Variants in PEBP4 observed in about 807,000 individuals in gnomAD.
PEBP4 encodes phosphatidylethanolamine-binding protein 4.
A neutral mutation model predicts 23.9 loss-of-function variants in PEBP4; 22 were observed. The ratio of observed to expected loss-of-function variants is 0.92; its 90% confidence interval spans 0.66 to 1.31. PEBP4 has a LOEUF of 1.31. Among genes scored for constraint, PEBP4 ranks in the 40% most tolerant of loss-of-function variants. The probability of loss-of-function intolerance (pLI) is 0.00; values close to 1 mark genes in which losing one functional copy is unlikely to be tolerated. For synonymous variants in PEBP4, 112 were observed against 99.3 expected (o/e 1.13, Z -0.76); for missense variants, 324 against 281.7 (o/e 1.15, Z -1.07).
chr8:22,741,629 C>T (rs1355133095), intron 4 of PEBP4, among the ~76,000 whole-genome samples: 2 of 152,138 alleles, frequency 1.3e-5, no homozygotes, highest in Non-Finnish European at 2.9e-5. Context: ...GAACCTGGGT[C>T]ACTGTGCCAC....
chr8:22,751,193 G>A (rs1162996828), intron 4 of PEBP4, among the ~76,000 whole-genome samples: 3 of 152,142 alleles, frequency 2.0e-5, no homozygotes, highest in African/African-American at 7.2e-5. Context: ...GATAGGGTTG[G>A]GGCTGGCAAG....
chr8:22,770,318 C>T (rs1187655141), intron 4 of PEBP4, among the ~76,000 whole-genome samples: 3 of 152,226 alleles, frequency 2.0e-5, no homozygotes, highest in Non-Finnish European at 4.4e-5. Flanking sequence ...CCAAAGCCTC[C>T]CTTACCCTCC....
chr8:22,741,821 C>G (rs1805001933), intron 4 of PEBP4, among the ~76,000 whole-genome samples: 1 of 152,258 alleles, frequency 6.6e-6, no homozygotes, highest in African/African-American at 2.4e-5. Context: ...CCATGGGGAA[C>G]ATCGCCTGTT....
At chr8:22,862,237 A>T (rs1807791832) in intron 3 of PEBP4, among the ~76,000 whole-genome samples, 1 of 152,094 alleles carries the variant, frequency 6.6e-6, no homozygotes, top group Non-Finnish European at 1.5e-5. Flanking sequence ...CAATCTCTGG[A>T]TCTCAGAAAA....
At chr8:22,804,777 C>T (rs943997329) in intron 4 of PEBP4, among the ~76,000 whole-genome samples, 7 of 152,124 alleles carry the variant, frequency 4.6e-5, no homozygotes, top group African/African-American at 9.7e-5. Context: ...TTCTAACAAA[C>T]GGTTAGAACC....
chr8:22,817,556 T>C, intron 4 of PEBP4, 81 bp downstream of exon 4: 1 of 1,301,242 alleles, frequency 7.7e-7, no homozygotes, highest in Non-Finnish European at 1.1e-6. Flanking sequence ...CCTTCCTGGA[T>C]GAGAGGTGGG....
At chr8:22,760,283 G>A (rs1805480352) in intron 4 of PEBP4, among the ~76,000 whole-genome samples, 1 of 152,144 alleles carries the variant, frequency 6.6e-6, no homozygotes, top group Non-Finnish European at 1.5e-5. Context: ...GTGAACACAG[G>A]CAGTTTGACT....
intron 1 of PEBP4, among the ~76,000 whole-genome samples, chr8:22,938,606 T>C (rs1010479923): frequency 6.6e-6 from 1 of 152,158 alleles, no homozygotes; most frequent in African/African-American, 2.4e-5. Context: ...GTACAGTGCC[T>C]GGGACCAGCA....
chr8:22,801,862 TTAA>T (rs1806390080), intron 4 of PEBP4, among the ~76,000 whole-genome samples: 2 of 151,990 alleles, frequency 1.3e-5, no homozygotes, highest in Non-Finnish European at 2.9e-5. Flanking sequence ...ACTCTTAAGG[TTAA>T]TAAGGCTCAT....
intron 3 of PEBP4, among the ~76,000 whole-genome samples, chr8:22,856,408 G>A (rs1807650540): frequency 6.6e-6 from 1 of 152,080 alleles, no homozygotes; most frequent in South Asian, 2.1e-4. Flanking sequence ...GGCAAATTTG[G>A]CAATGAATAT....
chr8:22,919,353 T>A (rs953314878), intron 3 of PEBP4, among the ~76,000 whole-genome samples: 2 of 152,154 alleles, frequency 1.3e-5, no homozygotes, highest in Admixed American at 1.3e-4. Context: ...CCTGCCTAGA[T>A]TGACAGCAGC....
At chr8:22,893,236 A>G (rs1377896387) in intron 3 of PEBP4, among the ~76,000 whole-genome samples, 6 of 152,190 alleles carry the variant, frequency 3.9e-5, no homozygotes, top group African/African-American at 1.4e-4. Context: ...TTAGCCCTAG[A>G]AAAACGCTGC....
intron 6 of PEBP4, among the ~76,000 whole-genome samples, chr8:22,724,157 G>A (rs947948450): frequency 2.0e-5 from 3 of 152,216 alleles, no homozygotes; most frequent in Non-Finnish European, 2.9e-5. Flanking sequence ...GGCGGGTGGG[G>A]GAGTCGGGGG....
In PEBP4 at chr8:22,746,844, C is replaced by T. The variant is rs181682066; in HGVS notation, c.358-19624G>A. 2.6e-5 allele frequency among the ~76,000 whole-genome samples: 4 copies of T among 152,240 alleles called. No homozygotes were observed. The East Asian group carries it at 5.8e-4, about 22-fold the overall frequency. On this transcript the variant is annotated intron_variant, in intron 4 of 6. Transcript: ENST00000256404. ...CCAGCTGCCTGTGGTCATCAAAGTT[C>T]GGAGGAATGGAGTTGTAAAAAGAAT...
In PEBP4 at chr8:22,830,113, TTG is replaced by T. The variant is rs3060706; in HGVS notation, c.259-12380_259-12379del. Among the ~76,000 whole-genome samples, 298 of 144,062 alleles carry T rather than the reference TTG, an allele frequency of 2.1e-3. 1 individual carries two copies. Among genetic ancestry groups the T allele is most frequent in the African/African-American group, 3.7e-3 (140 of 38,160 alleles). The allele number at this position is 144,062 out of a possible 152,430, so 94.5% of individuals were successfully genotyped here. A position where few individuals can be genotyped will look rare whatever the true frequency, so the allele number is the denominator to read the frequency against. ...CACTGCTGGGTCCTAGGCTGTGGTT[TTG>T]TGTGTGTGTGTGTGTGTGTGTGTGT... On this transcript the variant is annotated intron_variant, in intron 3 of 6. Transcript: ENST00000256404.
intron 1 of PEBP4, among the ~76,000 whole-genome samples, chr8:22,938,988 A>G (rs1362729831): frequency 1.3e-5 from 2 of 152,188 alleles, no homozygotes; most frequent in African/African-American, 4.8e-5. Flanking sequence ...AAGTCACCCA[A>G]CATGCACTTG....
At chr8:22,869,543 C>G (rs910111271) in intron 3 of PEBP4, among the ~76,000 whole-genome samples, 2 of 152,196 alleles carry the variant, frequency 1.3e-5, no homozygotes, top group African/African-American at 4.8e-5. Context: ...CATAGCTGCT[C>G]TTGTTTTGGG....
chr8:22,888,900 G>C (rs1378706529), intron 3 of PEBP4, among the ~76,000 whole-genome samples: 1 of 152,128 alleles, frequency 6.6e-6, no homozygotes, highest in African/African-American at 2.4e-5. Flanking sequence ...CGCTTTCCTG[G>C]CTAACCCAGG....
At chr8:22,927,754 C>A in intron 1 of PEBP4, 34 bp from the exon 2 acceptor site, 1 of 1,612,078 alleles carries the variant, frequency 6.2e-7, no homozygotes, top group South Asian at 1.1e-5. Context: ...CGGCTGGATC[C>A]CCTGCAGGGG....
Sources: allele counts gnomAD v4.1 joint callset (sites outside exome capture counted in the v4.1 genomes callset), GRCh38; gene constraint gnomAD v4.1.1; transcripts MANE v1.5; gene names NCBI Gene and HGNC (gene_info 2026-07-23, HGNC 2026-07-21).